CSRNP2: variants seen among roughly 807,000 people sequenced by gnomAD.
CSRNP2 encodes cysteine and serine rich nuclear protein 2, also known as cysteine/serine-rich nuclear protein 2.
CSRNP2 carries 11 observed loss-of-function variants against 36.6 expected under a neutral mutation model. The ratio of observed to expected loss-of-function variants is 0.30; its 90% CI spans 0.19 to 0.50. The LOEUF (loss-of-function observed/expected upper bound fraction) is 0.50, where lower values mean the gene tolerates loss of function less well. Among genes scored for constraint, CSRNP2 ranks in the 20% least tolerant of loss-of-function variants. The pLI, the probability that CSRNP2 is intolerant of heterozygous loss-of-function variation, is 0.98. For synonymous variants in CSRNP2, 248 were observed against 275.3 expected, an observed-to-expected ratio of 0.90 and a Z score of 0.98; for missense variants, 483 against 691.4, an observed-to-expected ratio of 0.70 and a Z score of 3.38.
At position 51,076,418 on chromosome 12, in the gene CSRNP2, G is replaced by A. The variant is rs771904785; in HGVS notation, c.144C>T (p.Ser48=). The A allele has an allele frequency of 8.7e-6, 14 of 1,613,986 alleles. No homozygotes were observed. The highest frequency in any genetic ancestry group is 1.1e-5 in the South Asian group (1 of 91,078). The part of the protein sequence containing the change: ...CDSLNPPTTA[S]FTPTSILKRQ... ...ACGGAGCAGCTTACTCACGTGTGAA[G>A]CTGGCAGTGGTAGGAGGATTGAGGC... The change falls in exon 2 of 5, where the codon AGC becomes AGT. Residue 48 remains serine, a synonymous_variant. Coordinates refer to ENST00000228515, the MANE Select transcript of CSRNP2 (RefSeq NM_030809.3).
rs1173559322 is a variant in CSRNP2 at position 51,080,072 on chromosome 12, CAAAAAAAA to C, written c.-87+3259_-87+3266del. ...TGGGCGGCAGAGTAAGACTCTGTCT[CAAAAAAAA>C]AAAAAAAAAAAAAAAAAAAGAGGGA... On this transcript the variant is annotated intron_variant, in intron 1 of 4. Coordinates refer to ENST00000228515, the MANE Select transcript of CSRNP2 (RefSeq NM_030809.3). Among the ~76,000 whole-genome samples the C allele has an allele frequency of 5.7e-3, 311 of 54,982 alleles. 22 individuals carry two copies. The highest frequency in any genetic ancestry group is 0.039 in the South Asian group (43 of 1,104). The allele number at this position is 54,982 out of a possible 152,430, so 36.1% of individuals were successfully genotyped here. A position where few individuals can be genotyped will look rare whatever the true frequency, so the allele number is the denominator to read the frequency against.
At position 51,065,014 on chromosome 12, in the gene CSRNP2, T is replaced by C. The variant is rs900274829; in HGVS notation, c.709-345A>G. 2.6e-5 allele frequency among the ~76,000 whole-genome samples: 4 copies of C among 152,182 alleles called. No individual in the cohort carries two copies. In the South Asian group the frequency reaches 6.2e-4, roughly 24 times the overall value. ...CCAGAGATACTTCTCTGAATGCTGA[T>C]AGTTTTCACAGAGGAAATTTACGAG... On this transcript the variant is annotated intron_variant, in intron 4 of 4. Coordinates refer to ENST00000228515, the MANE Select transcript of CSRNP2 (RefSeq NM_030809.3).
chr12:51,068,251 G>A (rs899442934), intron 3 of CSRNP2, among the ~76,000 whole-genome samples: 1 of 152,092 alleles, frequency 6.6e-6, no homozygotes, highest in Non-Finnish European at 1.5e-5. Flanking sequence ...TCCGCCTCCC[G>A]GGTTCAAGCG....
rs71089741 is a variant in CSRNP2 at position 51,072,562 on chromosome 12, CAAAAAAAAAAAAA to C, written c.411+1248_411+1260del. Among the ~76,000 whole-genome samples the C allele has an allele frequency of 7.2e-4, 48 of 66,922 alleles. No individual in the cohort carries two copies. In the East Asian group the frequency reaches 0.011, roughly 15 times the overall value. 43.9% of individuals were successfully genotyped at this position (66,922 alleles called of 152,430 possible). A position where few individuals can be genotyped will look rare whatever the true frequency, so the allele number is the denominator to read the frequency against. On this transcript the variant is annotated intron_variant, in intron 3 of 4. Coordinates refer to ENST00000228515, the MANE Select transcript of CSRNP2 (RefSeq NM_030809.3). ...TGGGCAACAGAGCTAGGCTCCGTCT[CAAAAAAAAAAAAA>C]AAAAAAAAAAAAAAAAAGAGTGGCT...
intron 3 of CSRNP2, among the ~76,000 whole-genome samples, chr12:51,072,635 CT>C (rs767644560): frequency 0.023 from 2,571 of 113,634 alleles, 35 homozygotes; most frequent in East Asian, 0.066. Context: ...TTTTCCCAGC[CT>C]CTCTCTCTCG....
Position 51,076,395 on chromosome 12 carries a change from G to A in CSRNP2, c.151+16C>T, listed in dbSNP as rs761565282. On this transcript the variant is annotated intron_variant, in intron 2 of 4. Coordinates refer to ENST00000228515, the MANE Select transcript of CSRNP2 (RefSeq NM_030809.3). ...GGGGAATGTGGGTATAGGCAGGGAC[G>A]GAGCAGCTTACTCACGTGTGAAGCT... is the stretch of plus-strand genomic sequence containing the variant. 1.2e-5 allele frequency: 20 copies of A among 1,613,328 alleles called. No homozygotes were observed. The highest frequency in any genetic ancestry group is 1.7e-4 in the Middle Eastern group (1 of 5,952).
intron 1 of CSRNP2, among the ~76,000 whole-genome samples, chr12:51,078,526 C>T (rs895053295): frequency 6.6e-6 from 1 of 152,110 alleles, no homozygotes; most frequent in Non-Finnish European, 1.5e-5. Flanking sequence ...AAGAAAGGAG[C>T]GAGCCAAGGG....
At chr12:51,075,043 G>T (rs1592766172) in intron 2 of CSRNP2, among the ~76,000 whole-genome samples, 1 of 152,086 alleles carries the variant, frequency 6.6e-6, no homozygotes, top group Admixed American at 6.5e-5. Context: ...TCAGCCTGAC[G>T]ACAGAGCAAG....
intron 3 of CSRNP2, among the ~76,000 whole-genome samples, chr12:51,069,271 G>A (rs943384701): frequency 9.3e-5 from 14 of 150,684 alleles, no homozygotes; most frequent in African/African-American, 2.9e-4. Context: ...CACCGTGCCC[G>A]GCTTCCTTCT....
rs760153391 is a variant in CSRNP2, at chr12:51,067,625, C to T, written c.708+48G>A. The T allele has an allele frequency of 6.4e-7, 1 of 1,572,012 alleles. No homozygotes were observed. The highest frequency in any genetic ancestry group is 8.7e-7 in the Non-Finnish European group (1 of 1,153,550). On this transcript the variant is annotated intron_variant, in intron 4 of 4. Coordinates refer to ENST00000228515, the MANE Select transcript of CSRNP2 (RefSeq NM_030809.3). This position sits in a 1 kb window ranked among gnomAD's most constrained non-coding sequence, Gnocchi z 4.1. The stretch of plus-strand genomic sequence containing the variant: ...TGTTCAGTGGCACCCACACCTCACC[C>T]CGCTGACCCTGGTGTAGATATACTA...
chr12:51,065,498 A>T (rs1209498008), intron 4 of CSRNP2, among the ~76,000 whole-genome samples: 1 of 151,146 alleles, frequency 6.6e-6, no homozygotes, highest in Non-Finnish European at 1.5e-5. Context: ...CAGTTATACC[A>T]TTTTTTTTTC....
At position 51,064,144 on chromosome 12, in the gene CSRNP2, A is replaced by C. The variant is rs1349153248; in HGVS notation, c.1234T>G (p.Leu412Val). The change falls in exon 5 of 5, where the codon TTG becomes GTG. Residue 412 changes from leucine (L) to valine (V), a missense_variant. Leu to Val is a conservative substitution (Grantham distance 32). Transcript: ENST00000228515. ...TAATAGACCAGGGGCCCACTGTTCA[A>C]GTAGGATGGGCTGTTCACCGTTGAG... ...TASTVNSPSY[L>V]NSGPLVYYQV... is the part of the protein sequence containing the mutation. 6.2e-7 allele frequency: 1 copy of C among 1,614,030 alleles called. No homozygotes were observed. The highest frequency in any genetic ancestry group is 1.3e-5 in the African/African-American group (1 of 74,906).
At chr12:51,081,849 C>CA (rs1491499738) in intron 1 of CSRNP2, among the ~76,000 whole-genome samples, 4 of 150,762 alleles carry the variant, frequency 2.7e-5, no homozygotes, top group Non-Finnish European at 4.4e-5. Flanking sequence ...ACAACAACAA[C>CA]AAAAAAAAAC....
At position 51,064,354 on chromosome 12, in the gene CSRNP2, A is replaced by C; in HGVS notation, c.1024T>G (p.Ser342Ala). The change falls in exon 5 of 5, where the codon TCC becomes GCC. Residue 342 changes from serine to alanine, a missense_variant. Ser to Ala is a moderately conservative substitution (Grantham distance 99). This residue lies in a region of CSRNP2 where 277 missense variants were observed against 323.6 expected (regional missense o/e 0.86). Transcript: ENST00000228515. ...ELERLKAEED[S>A]SGSSASLDSS... ...TCCAGGCTGGCACTAGAGCCGCTGG[A>C]ATCTTCTTCTGCCTTGAGCCGCTCC... is the stretch of plus-strand genomic sequence containing the variant. 6.2e-7 allele frequency: 1 copy of C among 1,614,162 alleles called. No individual in the cohort carries two copies. The highest frequency in any genetic ancestry group is 8.5e-7 in the Non-Finnish European group (1 of 1,180,028).
At chr12:51,068,289 T>C (rs1359554222) in intron 3 of CSRNP2, among the ~76,000 whole-genome samples, 1 of 152,108 alleles carries the variant, frequency 6.6e-6, no homozygotes. Flanking sequence ...GTAGTTGGGA[T>C]TACAGGCGTG....
intron 2 of CSRNP2, among the ~76,000 whole-genome samples, chr12:51,075,580 C>T (rs1939362222): frequency 6.6e-6 from 1 of 152,218 alleles, no homozygotes; most frequent in South Asian, 2.1e-4. Flanking sequence ...TTAGGCTCTA[C>T]AGGCCATGAG....
chr12:51,083,197 G>A (rs927183654), intron 1 of CSRNP2, 142 bp downstream of exon 1: 26 of 151,272 alleles, frequency 1.7e-4, no homozygotes, highest in Admixed American at 9.2e-4. Flanking sequence ...CCCGCCCCCC[G>A]ACCGCTCCCG....
In CSRNP2 at chr12:51,067,934, A is replaced by G. The variant is rs201819816; in HGVS notation, c.447T>C (p.Ala149=). The G allele has an allele frequency of 3.7e-6, 6 of 1,614,132 alleles. No homozygotes were observed. The South Asian group carries it at 4.4e-5, about 12-fold the overall frequency. Residue 149 remains alanine, a synonymous_variant, in exon 4 of 5, where the codon GCT becomes GCC. Transcript: ENST00000228515. The surrounding 1 kb of genome is among the most constrained non-coding windows in gnomAD (Gnocchi z 4.1). ...TKNGTVESVE[A]DGLTLDDVSD... Reference sequence around the variant, plus strand: ...ACACATCATCCAGCGTCAGGCCATCAGCCTCCACCGACTCCACTGTCCCAT... The same window carrying G: ...ACACATCATCCAGCGTCAGGCCATCGGCCTCCACCGACTCCACTGTCCCAT...
intron 4 of CSRNP2, among the ~76,000 whole-genome samples, chr12:51,065,630 TA>T (rs1270590576): frequency 6.6e-6 from 1 of 151,980 alleles, no homozygotes; most frequent in Non-Finnish European, 1.5e-5. Context: ...GCCCTAATTT[TA>T]AAATTTTTTG....
Sources: allele counts gnomAD v4.1 joint callset (sites outside exome capture counted in the v4.1 genomes callset), GRCh38; gene constraint gnomAD v4.1.1; regional missense constraint gnomAD v4.1.1; non-coding constraint Gnocchi (gnomAD v3.1); transcripts MANE v1.5; gene names NCBI Gene and HGNC (gene_info 2026-07-23, HGNC 2026-07-21).